TTC39B: variants seen among roughly 807,000 people sequenced by gnomAD.
TTC39B encodes tetratricopeptide repeat protein 39B.
TTC39B carries 92 observed loss-of-function variants against 96.6 expected under a neutral mutation model. The ratio of observed to expected loss-of-function variants is 0.95; its 90% CI spans 0.80 to 1.13. The LOEUF (loss-of-function observed/expected upper bound fraction) is 1.13. TTC39B is among the 50% of genes most tolerant of loss of function. TTC39B has a pLI of 0.00. For missense variants in TTC39B, 955 were observed against 809.3 expected, an observed-to-expected ratio of 1.18 and a Z score of -2.18; for synonymous variants, 367 against 299.4, an observed-to-expected ratio of 1.23 and a Z score of -2.33.
exon 20 of TTC39B, chr9:15,170,914 A>T (rs1347919002): frequency 6.6e-6 from 1 of 152,220 alleles, no homozygotes. Context: ...ACAGTTATAA[A>T]ACTGAAAAAG....
intron 3 of TTC39B, 73 bp downstream of exon 3, chr9:15,225,844 T>G: frequency 7.3e-7 from 1 of 1,375,680 alleles, no homozygotes; most frequent in Non-Finnish European, 1.0e-6. Context: ...TATGCAAATA[T>G]CAGTATTATA....
At chr9:15,251,700 C>CATACATATATAT (rs1554624735) in intron 2 of TTC39B, among the ~76,000 whole-genome samples, 3 of 98,368 alleles carry the variant, frequency 3.0e-5, no homozygotes, top group Admixed American at 1.2e-4. Context: ...CATACATATA[C>CATACATATATAT]ATATATATAT....
chr9:15,220,362 G>C (rs1160137515), intron 3 of TTC39B, among the ~76,000 whole-genome samples: 2 of 152,162 alleles, frequency 1.3e-5, no homozygotes, highest in Admixed American at 1.3e-4. Flanking sequence ...TTATCCAAGG[G>C]AGAGGAGGGA....
rs998278258 is a variant in TTC39B, at chr9:15,297,649, C to G, written c.240+9435G>C. ...TCATGTTGCCTTAATTATTAGGTAC[C>G]CTTGGGTCGTCAGTGAGTCCCAATA... On this transcript the variant is annotated intron_variant, in intron 1 of 19. Transcript: ENST00000512701. 3.3e-5 allele frequency among the ~76,000 whole-genome samples: 5 copies of G among 152,096 alleles called. No homozygotes were observed. In the East Asian group the frequency reaches 9.6e-4, roughly 29 times the overall value.
At chr9:15,179,837 CTT>C (rs1175646817) in intron 17 of TTC39B, among the ~76,000 whole-genome samples, 1 of 152,188 alleles carries the variant, frequency 6.6e-6, no homozygotes, top group East Asian at 1.9e-4. Flanking sequence ...CCGCATGTAA[CTT>C]CTATGACGAA....
intron 1 of TTC39B, among the ~76,000 whole-genome samples, chr9:15,278,377 C>G (rs1302199342): frequency 2.0e-5 from 3 of 152,056 alleles, no homozygotes; most frequent in Non-Finnish European, 4.4e-5. Flanking sequence ...AACTTTTTTA[C>G]AATTAGGTTA....
intron 2 of TTC39B, among the ~76,000 whole-genome samples, chr9:15,251,979 T>G (rs1271216497): frequency 6.6e-6 from 1 of 151,940 alleles, no homozygotes; most frequent in Non-Finnish European, 1.5e-5. Context: ...CCTGCTCCCC[T>G]GGAGCTCTCA....
chr9:15,275,575 AG>A (rs1823512071), intron 1 of TTC39B, among the ~76,000 whole-genome samples: 1 of 152,180 alleles, frequency 6.6e-6, no homozygotes, highest in Admixed American at 6.5e-5. Context: ...CCTTGCTTTA[AG>A]GAAGTCTTCT....
At chr9:15,195,663 C>A (rs1819120002) in intron 8 of TTC39B, among the ~76,000 whole-genome samples, 2 of 127,402 alleles carry the variant, frequency 1.6e-5, no homozygotes, top group South Asian at 2.7e-4. Context: ...AAGGGAGACT[C>A]CATCTCCAAA....
In TTC39B at chr9:15,274,869, AAAC is replaced by A. The variant is rs141383938; in HGVS notation, c.241-6924_241-6922del. 7.6e-3 allele frequency among the ~76,000 whole-genome samples: 1,153 copies of A among 152,284 alleles called. 15 individuals are homozygous for A. Among genetic ancestry groups the A allele is most frequent in the African/African-American group, 0.026 (1,096 of 41,538 alleles). On this transcript the variant is annotated intron_variant, in intron 1 of 19. Coordinates refer to ENST00000512701, the Ensembl canonical transcript of TTC39B. ...AGGGATTAAAAAAATAATAACAGCA[AAAC>A]AACAGTAAAATCATCTGCCAAAACA...
intron 1 of TTC39B, among the ~76,000 whole-genome samples, chr9:15,302,421 C>A (rs1824625167): frequency 6.7e-6 from 1 of 149,448 alleles, no homozygotes; most frequent in Admixed American, 6.7e-5. Flanking sequence ...TCGAGACCAG[C>A]CTGGCCAATA....
chr9:15,169,153 C>T (rs2800588), exon 20 of TTC39B: 111,437 of 152,118 alleles, frequency 0.73, 41,825 homozygotes, highest in East Asian at 0.93. Context: ...AAATCTTCCT[C>T]GGCACTGATT....
At chr9:15,300,904 A>AGAAGAAG (rs2131620457) in intron 1 of TTC39B, among the ~76,000 whole-genome samples, 1 of 114,858 alleles carries the variant, frequency 8.7e-6, no homozygotes, top group South Asian at 3.1e-4. Flanking sequence ...AAAAAAAAAA[A>AGAAGAAG]AAAAAAAAAA....
In TTC39B at chr9:15,306,361, CTAAT is replaced by C. The variant is rs1409988329; in HGVS notation, c.240+719_240+722del. On this transcript the variant is annotated intron_variant, in intron 1 of 19. Transcript: ENST00000512701. This position sits in a 1 kb window ranked among gnomAD's most constrained non-coding sequence, Gnocchi z 5.1. The stretch of plus-strand genomic sequence containing the variant: ...GGGCGCGCCACGACTGAAGGAGTGG[CTAAT>C]TACTCAAACACAGTTGAAACCAAAG... 5.9e-5 allele frequency among the ~76,000 whole-genome samples: 9 copies of C among 152,338 alleles called. No individual in the cohort carries two copies. The highest frequency in any genetic ancestry group is 2.2e-4 in the African/African-American group (9 of 41,582).
At chr9:15,272,821 C>G (rs971295899) in intron 1 of TTC39B, among the ~76,000 whole-genome samples, 20 of 152,158 alleles carry the variant, frequency 1.3e-4, no homozygotes, top group African/African-American at 4.6e-4. Flanking sequence ...AAGGTCCTCA[C>G]CTTGAGCAGT....
chr9:15,182,007 GCTGT>G (rs1156534966), intron 17 of TTC39B, among the ~76,000 whole-genome samples: 1 of 152,126 alleles, frequency 6.6e-6, no homozygotes, highest in African/African-American at 2.4e-5. Flanking sequence ...CCACTCATCT[GCTGT>G]CTGTCTTTAT....
chr9:15,226,072 C>T (rs570370769), intron 2 of TTC39B, 60 bp from the exon 3 acceptor site: 7 of 1,437,660 alleles, frequency 4.9e-6, no homozygotes, highest in African/African-American at 4.2e-5. Flanking sequence ...GAAAAGTCTA[C>T]ACCAGTGCAA....
intron 1 of TTC39B, among the ~76,000 whole-genome samples, chr9:15,271,746 C>A (rs1389967960): frequency 6.6e-6 from 1 of 152,204 alleles, no homozygotes; most frequent in Admixed American, 6.5e-5. Flanking sequence ...TATAACCTAG[C>A]AATCTTAATC....
intron 1 of TTC39B, among the ~76,000 whole-genome samples, chr9:15,288,450 G>A (rs543265554): frequency 1.1e-4 from 16 of 152,252 alleles, no homozygotes; most frequent in African/African-American, 3.4e-4. Flanking sequence ...TCTGAATGTC[G>A]TCGAGAGGAG....
Sources: gnomAD v4.1 joint callset for allele counts (sites outside exome capture counted in the v4.1 genomes callset) on GRCh38, gnomAD v4.1.1 for gene constraint, Gnocchi (gnomAD v3.1) non-coding constraint, MANE v1.5 for transcripts, NCBI Gene and HGNC (gene_info 2026-07-23, HGNC 2026-07-21) for gene names.